The following TMEM255B variants were observed in gnomAD, a reference collection of about 807,000 sequenced individuals.
The protein encoded by TMEM255B is family with sequence similarity 70, member B.
In TMEM255B, 35 loss-of-function variants were observed where a neutral mutation model predicts 34.5. The ratio of observed to expected loss-of-function variants is 1.01; its 90% CI spans 0.77 to 1.34. The LOEUF (loss-of-function observed/expected upper bound fraction) is 1.34. Ranked by LOEUF, TMEM255B falls within the 40% of genes most tolerant of loss-of-function variation. TMEM255B has a pLI of 0.00. For synonymous variants in TMEM255B, 206 were observed against 201.2 expected, an observed-to-expected ratio of 1.02 and a Z score of -0.20; for missense variants, 432 against 433.2, an observed-to-expected ratio of 1.00 and a Z score of 0.02.
intron 3 of TMEM255B, among the ~76,000 whole-genome samples, chr13:113,772,734 G>A (rs183171178): frequency 1.3e-5 from 2 of 152,342 alleles, no homozygotes; most frequent in Non-Finnish European, 2.9e-5. Flanking sequence ...TGGTTTATTT[G>A]TGGACTTTTA....
intron 2 of TMEM255B, among the ~76,000 whole-genome samples, chr13:113,768,465 G>A (rs2140805476): frequency 6.6e-6 from 1 of 152,332 alleles, no homozygotes; most frequent in East Asian, 1.9e-4. Context: ...TTCCTGTGGA[G>A]TAAGGGGGCT....
At chr13:113,799,869 G>T (rs1314267795) in intron 5 of TMEM255B, 1 of 986,706 alleles carries the variant, frequency 1.0e-6, no homozygotes, top group African/African-American at 1.7e-5. Context: ...GCCTTCGCCA[G>T]GACCGTCGGA....
In TMEM255B at chr13:113,799,477, C is replaced by T. The variant is rs186855778; in HGVS notation, c.423+58C>T. On this transcript the variant is annotated intron_variant, in intron 5 of 8. Transcript: ENST00000375353. ...TGCTCAGCTAACCCCGCCGACCCCA[C>T]GCGGTTTTCCCTGCACATAGGCGTG... is the stretch of plus-strand genomic sequence containing the variant. 9.2e-5 allele frequency: 142 copies of T among 1,548,532 alleles called. No homozygotes were observed. The African/African-American group carries it at 1.0e-3, about 11-fold the overall frequency.
In TMEM255B at chr13:113,806,248, G is replaced by A. The variant is rs1030312352; in HGVS notation, c.813+1220G>A. Among the ~76,000 whole-genome samples, 6 of 152,034 alleles carry A rather than the reference G, an allele frequency of 3.9e-5. No homozygotes were observed. The highest frequency in any genetic ancestry group is 1.4e-4 in the African/African-American group (6 of 41,410). ...GACCTGCACCAGGGACCCCGAGGAG[G>A]GAGCAGGAACCAGCACTCATGGAGA... On this transcript the variant is annotated intron_variant, in intron 8 of 8. Transcript: ENST00000375353. The surrounding 1 kb of genome is among the most constrained non-coding windows in gnomAD (Gnocchi z 4.2).
intron 3 of TMEM255B, among the ~76,000 whole-genome samples, chr13:113,793,913 T>C (rs1484813728): frequency 6.6e-6 from 1 of 152,090 alleles, no homozygotes; most frequent in African/African-American, 2.4e-5. Context: ...CTGAAAGGTT[T>C]GGGCCCGCCA....
intron 3 of TMEM255B, among the ~76,000 whole-genome samples, chr13:113,780,342 T>G (rs1171527252): frequency 6.6e-6 from 1 of 152,232 alleles, no homozygotes. Flanking sequence ...AGAAAACAGA[T>G]TCTTATTGCA....
Position 113,815,765 on chromosome 13 carries a change from C to T in TMEM255B, c.*3862C>T, listed in dbSNP as rs556120993. On this transcript the variant is annotated 3_prime_UTR_variant, in exon 9 of 9. Transcript: ENST00000375353. ...TTAGCAGTGTGAAAACAGAATACTA[C>T]AGTGGTCCATCCACACGCGGGTCTC... 4 of 152,606 alleles carry T rather than the reference C, an allele frequency of 2.6e-5. No individual in the cohort carries two copies. The South Asian group carries it at 8.1e-4, about 31-fold the overall frequency. 9.5% of individuals were successfully genotyped at this position (152,606 alleles called of 1,614,324 possible).
At chr13:113,773,369 C>T (rs1372261305) in intron 3 of TMEM255B, among the ~76,000 whole-genome samples, 5 of 152,188 alleles carry the variant, frequency 3.3e-5, no homozygotes, top group African/African-American at 1.2e-4. Flanking sequence ...TCTACTGGAG[C>T]ATGTCAAATA....
At chr13:113,779,928 G>A (rs1244310724) in intron 3 of TMEM255B, among the ~76,000 whole-genome samples, 3 of 152,154 alleles carry the variant, frequency 2.0e-5, no homozygotes, top group Non-Finnish European at 4.4e-5. Context: ...GGTAGGACTG[G>A]TTTACTTTAT....
chr13:113,776,155 T>C (rs7992652), intron 3 of TMEM255B, among the ~76,000 whole-genome samples: 113,998 of 152,128 alleles, frequency 0.75, 43,176 homozygotes, highest in East Asian at 0.86. Context: ...TGCTCAAAGA[T>C]GCTGCCACCT....
At chr13:113,780,804 T>C (rs748764428) in intron 3 of TMEM255B, among the ~76,000 whole-genome samples, 4 of 152,196 alleles carry the variant, frequency 2.6e-5, no homozygotes, top group Non-Finnish European at 5.9e-5. Flanking sequence ...GATGACAAAA[T>C]GTTTTAGGGT....
intron 2 of TMEM255B, among the ~76,000 whole-genome samples, chr13:113,767,369 C>T (rs773771708): frequency 2.0e-5 from 3 of 152,164 alleles, no homozygotes; most frequent in Non-Finnish European, 2.9e-5. Context: ...GGTGTGGGGA[C>T]CTTGGCCTCA....
At chr13:113,782,517 G>A (rs985748808) in intron 3 of TMEM255B, among the ~76,000 whole-genome samples, 3 of 152,168 alleles carry the variant, frequency 2.0e-5, no homozygotes, top group Admixed American at 2.0e-4. Context: ...CAGTGAAAAC[G>A]GTCTGAACTG....
chr13:113,763,564 A>G (rs1250124785), intron 1 of TMEM255B, among the ~76,000 whole-genome samples: 5 of 152,198 alleles, frequency 3.3e-5, no homozygotes, highest in Admixed American at 2.6e-4. Context: ...ACTATAAAGC[A>G]TTGTGGTCCT....
At chr13:113,772,043 G>A (rs2050487004) in intron 3 of TMEM255B, among the ~76,000 whole-genome samples, 1 of 152,178 alleles carries the variant, frequency 6.6e-6, no homozygotes, top group Non-Finnish European at 1.5e-5. Context: ...GCCATCTAAT[G>A]TGTGATAAGT....
chr13:113,799,558 C>G (rs531678629), intron 5 of TMEM255B, 139 bp downstream of exon 5: 95 of 736,972 alleles, frequency 1.3e-4, no homozygotes, highest in Admixed American at 3.6e-4. Flanking sequence ...GCTGGTGAAC[C>G]GTTGATGCCC....
At chr13:113,788,757 G>A (rs1207753387) in intron 3 of TMEM255B, among the ~76,000 whole-genome samples, 1 of 152,040 alleles carries the variant, frequency 6.6e-6, no homozygotes, top group African/African-American at 2.4e-5. Flanking sequence ...TCGCGCTTCT[G>A]GCCCTCACCA....
chr13:113,789,885 AC>A (rs1340288964), intron 3 of TMEM255B, among the ~76,000 whole-genome samples: 7 of 152,060 alleles, frequency 4.6e-5, no homozygotes, highest in Admixed American at 3.3e-4. Flanking sequence ...CACTGGACTG[AC>A]CATGTACGTG....
At chr13:113,798,631 G>A (rs1308457242) in intron 4 of TMEM255B, among the ~76,000 whole-genome samples, 2 of 150,862 alleles carry the variant, frequency 1.3e-5, no homozygotes, top group African/African-American at 4.9e-5. Flanking sequence ...TGACAGATGG[G>A]TGGATGGATG....
Sources: allele counts gnomAD v4.1 joint callset (sites outside exome capture counted in the v4.1 genomes callset), GRCh38; gene constraint gnomAD v4.1.1; non-coding constraint Gnocchi (gnomAD v3.1); transcripts MANE v1.5; gene names NCBI Gene and HGNC (gene_info 2026-07-23, HGNC 2026-07-21).